Variants in RAB3C observed in about 807,000 individuals in gnomAD.
RAB3C encodes ras-related protein Rab-3C.
In RAB3C, 17 loss-of-function variants were observed where a neutral mutation model predicts 26.4. The observed-to-expected ratio is 0.64, with a 90% confidence interval of 0.44 to 0.97. The LOEUF (loss-of-function observed/expected upper bound fraction) is 0.97. Among genes scored for constraint, RAB3C ranks in the 50% least tolerant of loss-of-function variants. RAB3C has a pLI of 0.00. For synonymous variants in RAB3C, 91 were observed against 95.9 expected, an observed-to-expected ratio of 0.95 and a Z score of 0.30; for missense variants, 242 against 281.9, an observed-to-expected ratio of 0.86 and a Z score of 1.01.
At chr5:58,848,422 T>G (rs1744048340) in intron 4 of RAB3C, 1 of 152,240 alleles carries the variant, frequency 6.6e-6, no homozygotes, top group African/African-American at 2.4e-5. Flanking sequence ...GCTTACTTTT[T>G]CAGTGTATCT....
intron 3 of RAB3C, among the ~76,000 whole-genome samples, chr5:58,781,652 G>A (rs410746): frequency 0.78 from 119,136 of 151,920 alleles, 46,862 homozygotes; most frequent in African/African-American, 0.83. Flanking sequence ...ATCAGCCTGC[G>A]CAGAATCTAC....
intron 3 of RAB3C, among the ~76,000 whole-genome samples, chr5:58,819,799 A>C (rs558820708): frequency 6.6e-6 from 1 of 152,242 alleles, no homozygotes; most frequent in East Asian, 1.9e-4. Flanking sequence ...GAATTGCTTG[A>C]AACTGGAAGG....
intron 3 of RAB3C, among the ~76,000 whole-genome samples, chr5:58,743,664 T>C (rs1311392958): frequency 1.4e-4 from 21 of 152,088 alleles, no homozygotes; most frequent in Admixed American, 1.4e-3. Flanking sequence ...ACATGCAGTA[T>C]TTGATTGTCT....
rs78304335 is a variant in RAB3C, at chr5:58,717,522, C to G, written c.253-8480C>G. On this transcript the variant is annotated intron_variant, in intron 2 of 4. Transcript: ENST00000282878. ...TCCCTTATGGAGGACCTTCAGGGAG[C>G]CTGTTAGGGCTCTCTCGCTGCATAG... is the stretch of plus-strand genomic sequence containing the variant. 8.2e-4 allele frequency among the ~76,000 whole-genome samples: 125 copies of G among 152,194 alleles called. 5 individuals are homozygous for G. In the East Asian group the frequency reaches 0.022, roughly 27 times the overall value.
At chr5:58,797,051 G>A (rs1221985046) in intron 3 of RAB3C, among the ~76,000 whole-genome samples, 2 of 151,084 alleles carry the variant, frequency 1.3e-5, no homozygotes, top group African/African-American at 2.4e-5. Context: ...AACTGCATAT[G>A]TAGTATTGTG....
At chr5:58,745,894 A>T (rs1741393253) in intron 3 of RAB3C, among the ~76,000 whole-genome samples, 1 of 152,230 alleles carries the variant, frequency 6.6e-6, no homozygotes, top group Non-Finnish European at 1.5e-5. Context: ...CCTTATACTT[A>T]GGCACTTAAT....
chr5:58,683,977 A>G (rs1432385179), intron 2 of RAB3C, among the ~76,000 whole-genome samples: 1 of 152,164 alleles, frequency 6.6e-6, no homozygotes, highest in Non-Finnish European at 1.5e-5. Context: ...CTCAACTTAT[A>G]AATTAAAATT....
intron 2 of RAB3C, among the ~76,000 whole-genome samples, chr5:58,701,298 G>A (rs572228578): frequency 6.6e-6 from 1 of 152,246 alleles, no homozygotes; most frequent in South Asian, 2.1e-4. Flanking sequence ...ACTGCGCCCG[G>A]CCTAGTTCAT....
chr5:58,763,365 T>C (rs1349958521), intron 3 of RAB3C, among the ~76,000 whole-genome samples: 2 of 152,210 alleles, frequency 1.3e-5, no homozygotes, highest in Admixed American at 1.3e-4. Context: ...CAAGGAGTGG[T>C]ATTACATGTT....
At chr5:58,838,394 CTT>C (rs1374703747) in intron 4 of RAB3C, among the ~76,000 whole-genome samples, 3 of 145,372 alleles carry the variant, frequency 2.1e-5, no homozygotes, top group Admixed American at 2.1e-4. Context: ...AAAAAAAAAA[CTT>C]TTTGTTTCAT....
intron 3 of RAB3C, among the ~76,000 whole-genome samples, chr5:58,787,718 T>A (rs1240441795): frequency 6.6e-6 from 1 of 152,182 alleles, no homozygotes; most frequent in Non-Finnish European, 1.5e-5. Flanking sequence ...TGACACCAGA[T>A]GATGTCTGTG....
chr5:58,583,365 C>T, intron 1 of RAB3C, 133 bp downstream of exon 1: 2 of 1,538,078 alleles, frequency 1.3e-6, no homozygotes, highest in East Asian at 2.4e-5. Flanking sequence ...TGTGACATGA[C>T]CCTGGGAACA....
chr5:58,781,156 G>T (rs913544292), intron 3 of RAB3C, among the ~76,000 whole-genome samples: 3 of 151,900 alleles, frequency 2.0e-5, no homozygotes, highest in Non-Finnish European at 4.4e-5. Flanking sequence ...TAAAAAAAAA[G>T]TTAAGACCTC....
chr5:58,724,979 C>T (rs1298042288), intron 2 of RAB3C, among the ~76,000 whole-genome samples: 1 of 151,862 alleles, frequency 6.6e-6, no homozygotes, highest in African/African-American at 2.4e-5. Context: ...GGGATTGCCA[C>T]CACAATTGTA....
intron 3 of RAB3C, among the ~76,000 whole-genome samples, chr5:58,779,382 G>GTA (rs137951547): frequency 0.093 from 13,788 of 148,730 alleles, 810 homozygotes; most frequent in Non-Finnish European, 0.14. Context: ...ATGATTTTAT[G>GTA]TATATATATA....
chr5:58,731,506 G>T (rs1278606072), intron 3 of RAB3C, among the ~76,000 whole-genome samples: 5 of 152,112 alleles, frequency 3.3e-5, no homozygotes, highest in Non-Finnish European at 5.9e-5. Flanking sequence ...AAACAGAGAA[G>T]AAAAAGCTTT....
At chr5:58,845,698 A>G (rs1379615958) in intron 4 of RAB3C, among the ~76,000 whole-genome samples, 2 of 150,070 alleles carry the variant, frequency 1.3e-5, no homozygotes, top group Admixed American at 6.7e-5. Flanking sequence ...ATATAGTTTT[A>G]TAGAGGTATA....
Position 58,858,666 on chromosome 5 carries a change from T to C in RAB3C, c.*7315T>C, listed in dbSNP as rs1345848868. ...ATAAGTGGGAAAGGCCACAGTTATG[T>C]TTCCTTTGAATGGAAGAGAGACAAA... On this transcript the variant is annotated 3_prime_UTR_variant, in exon 5 of 5. Coordinates refer to ENST00000282878, the MANE Select transcript of RAB3C (RefSeq NM_138453.4). 1 of 152,192 alleles carries C rather than the reference T, an allele frequency of 6.6e-6. No homozygotes were observed. Among genetic ancestry groups the C allele is most frequent in the Admixed American group, 6.5e-5 (1 of 15,268 alleles). The allele number at this position is 152,192 out of a possible 1,614,324, so 9.4% of individuals were successfully genotyped here.
chr5:58,777,546 T>G (rs1283627147), intron 3 of RAB3C, among the ~76,000 whole-genome samples: 1 of 152,054 alleles, frequency 6.6e-6, no homozygotes, highest in East Asian at 1.9e-4. Context: ...TAATTTTATA[T>G]GTCTATATCT....
Sources: allele counts gnomAD v4.1 joint callset (sites outside exome capture counted in the v4.1 genomes callset), GRCh38; gene constraint gnomAD v4.1.1; transcripts MANE v1.5; gene names NCBI Gene and HGNC (gene_info 2026-07-23, HGNC 2026-07-21).